The following TBC1D5 variants were observed in gnomAD, a reference collection of about 807,000 sequenced individuals.
The protein encoded by TBC1D5 is TBC1 domain family, member 5.
In TBC1D5, 75 loss-of-function variants were observed where a neutral mutation model predicts 100.3. The ratio of observed to expected loss-of-function variants is 0.75; its 90% confidence interval spans 0.62 to 0.91. TBC1D5 has a LOEUF of 0.91. Among genes scored for constraint, TBC1D5 ranks in the 40% least tolerant of loss-of-function variants. The pLI, the probability that TBC1D5 is intolerant of heterozygous loss-of-function variation, is 0.00. For synonymous variants in TBC1D5, 323 were observed against 325.6 expected (o/e 0.99, Z 0.09); for missense variants, 910 against 942.4 (o/e 0.97, Z 0.45).
In TBC1D5 at chr3:17,680,234, G is replaced by GC. The variant is rs567172727; in HGVS notation, c.-100-56322dup. ...ATCACTCTAGAATATATGTATATTCGCTTTTTTTTTTTTTAAAGACAGGGT... is the reference window on the plus strand; with the variant it reads ...ATCACTCTAGAATATATGTATATTCGCCTTTTTTTTTTTTTAAAGACAGGGT... On this transcript the variant is annotated intron_variant, in intron 1 of 21. Coordinates refer to ENST00000253692, the Ensembl canonical transcript of TBC1D5. Among the ~76,000 whole-genome samples the GC allele has an allele frequency of 3.9e-4, 57 of 147,618 alleles. 1 individual carries two copies. The highest frequency in any genetic ancestry group is 7.3e-4 in the Non-Finnish European group (49 of 67,238).
chr3:17,261,428 G>A (rs1274353441), intron 15 of TBC1D5, among the ~76,000 whole-genome samples: 1 of 123,120 alleles, frequency 8.1e-6, no homozygotes, highest in Non-Finnish European at 1.6e-5. Flanking sequence ...CTCACTTTAT[G>A]CAATCGAAAT....
At chr3:17,261,846 T>G (rs1244334774) in intron 15 of TBC1D5, among the ~76,000 whole-genome samples, 5 of 43,712 alleles carry the variant, frequency 1.1e-4, no homozygotes, top group East Asian at 2.2e-4. Context: ...CTTAAAGGAG[T>G]TTTTTTTTTT....
chr3:17,518,736 G>A (rs1204416864), intron 2 of TBC1D5, among the ~76,000 whole-genome samples: 1 of 152,388 alleles, frequency 6.6e-6, no homozygotes, highest in South Asian at 2.1e-4. Flanking sequence ...CCACTGAGCT[G>A]TTAACACTTA....
chr3:17,245,507 T>G (rs1364674855), intron 16 of TBC1D5, among the ~76,000 whole-genome samples: 1 of 152,192 alleles, frequency 6.6e-6, no homozygotes, highest in Non-Finnish European at 1.5e-5. Flanking sequence ...AATTCTTTTA[T>G]GTGCAGCAGG....
chr3:17,650,688 C>CG (rs2065464358), intron 1 of TBC1D5, among the ~76,000 whole-genome samples: 1 of 152,176 alleles, frequency 6.6e-6, no homozygotes, highest in African/African-American at 2.4e-5. Flanking sequence ...CCCCTTCCTA[C>CG]ACCTGGTTTA....
chr3:17,257,005 G>T (rs2077765626), intron 16 of TBC1D5, among the ~76,000 whole-genome samples: 1 of 152,180 alleles, frequency 6.6e-6, no homozygotes, highest in South Asian at 2.1e-4. Flanking sequence ...GCATGAGAAT[G>T]AAGAGAAGGA....
intron 2 of TBC1D5, among the ~76,000 whole-genome samples, chr3:17,532,961 A>G (rs1455690762): frequency 6.6e-6 from 1 of 151,794 alleles, no homozygotes; most frequent in Non-Finnish European, 1.5e-5. Context: ...CGTTGTGCAC[A>G]TGTACCCTAA....
At chr3:17,673,617 T>C (rs1194387440) in intron 1 of TBC1D5, among the ~76,000 whole-genome samples, 2 of 152,078 alleles carry the variant, frequency 1.3e-5, no homozygotes, top group African/African-American at 2.4e-5. Context: ...ACCCAGCCTA[T>C]ACTTTCTAAA....
At chr3:17,510,364 C>G (rs544357651) in intron 2 of TBC1D5, among the ~76,000 whole-genome samples, 1 of 151,936 alleles carries the variant, frequency 6.6e-6, no homozygotes, top group East Asian at 1.9e-4. Context: ...CACAGTCAGA[C>G]GTTAATAAAA....
chr3:17,739,813 T>C (rs1459460224), exon 1 of TBC1D5: 1 of 152,166 alleles, frequency 6.6e-6, no homozygotes, highest in Non-Finnish European at 1.5e-5. Flanking sequence ...GAGACCAGCC[T>C]GGCCAATATA....
intron 13 of TBC1D5, among the ~76,000 whole-genome samples, chr3:17,355,302 C>T (rs1232722261): frequency 2.0e-5 from 3 of 152,148 alleles, no homozygotes; most frequent in East Asian, 3.9e-4. Context: ...ATTTATGGCA[C>T]TCTCAAGACT....
At chr3:17,580,365 A>G (rs2096685901) in intron 2 of TBC1D5, among the ~76,000 whole-genome samples, 1 of 152,218 alleles carries the variant, frequency 6.6e-6, no homozygotes, top group East Asian at 1.9e-4. Context: ...ACCACAAAGG[A>G]GAACTACAGA....
chr3:17,406,026 T>A (rs1475166252), intron 5 of TBC1D5, among the ~76,000 whole-genome samples: 2 of 151,926 alleles, frequency 1.3e-5, no homozygotes, highest in Non-Finnish European at 2.9e-5. Flanking sequence ...CTGCCATTTA[T>A]GAAGAAAAAA....
intron 3 of TBC1D5, among the ~76,000 whole-genome samples, chr3:17,472,711 G>T (rs2150153089): frequency 6.6e-6 from 1 of 152,302 alleles, no homozygotes. Context: ...TATCTTGGCA[G>T]AGAGTAGGCA....
chr3:17,296,335 T>C (rs1454479322), intron 14 of TBC1D5, among the ~76,000 whole-genome samples: 1 of 152,344 alleles, frequency 6.6e-6, no homozygotes, highest in African/African-American at 2.4e-5. Context: ...ACACCTGGCA[T>C]AGAGAAAACA....
chr3:17,220,390 C>G (rs2074139321), intron 17 of TBC1D5, among the ~76,000 whole-genome samples: 1 of 152,074 alleles, frequency 6.6e-6, no homozygotes, highest in South Asian at 2.1e-4. Context: ...CTTAAAGTTT[C>G]CTGATAACTA....
intron 18 of TBC1D5, among the ~76,000 whole-genome samples, chr3:17,186,881 C>T (rs183047087): frequency 1.3e-5 from 2 of 152,118 alleles, no homozygotes; most frequent in African/African-American, 4.8e-5. Context: ...GCCTCTCCTC[C>T]AATACTCAAA....
intron 12 of TBC1D5, among the ~76,000 whole-genome samples, chr3:17,373,872 T>C (rs564407921): frequency 1.3e-5 from 2 of 152,232 alleles, no homozygotes; most frequent in South Asian, 4.1e-4. Flanking sequence ...GAGTGACTGT[T>C]AATGGACATG....
intron 19 of TBC1D5, among the ~76,000 whole-genome samples, chr3:17,179,468 A>C (rs1050427114): frequency 2.6e-5 from 4 of 152,242 alleles, no homozygotes; most frequent in Admixed American, 2.6e-4. Flanking sequence ...TATGACAAGT[A>C]CAAAATCAGT....
Sources: allele counts gnomAD v4.1 joint callset (sites outside exome capture counted in the v4.1 genomes callset), GRCh38; gene constraint gnomAD v4.1.1; transcripts MANE v1.5; gene names NCBI Gene and HGNC (gene_info 2026-07-23, HGNC 2026-07-21).